The following NDUFAF6 variants were observed in gnomAD, a reference collection of about 807,000 sequenced individuals.
NDUFAF6 encodes the protein NADH dehydrogenase (ubiquinone) complex I, assembly factor 6.
In NDUFAF6, 45 loss-of-function variants were observed where a neutral mutation model predicts 40.8. The ratio of observed to expected loss-of-function variants is 1.10; its 90% confidence interval spans 0.87 to 1.42. The LOEUF is 1.42. Among genes scored for constraint, NDUFAF6 ranks in the 40% most tolerant of loss-of-function variants. The probability of loss-of-function intolerance (pLI) is 0.00; values close to 1 mark genes in which losing one functional copy is unlikely to be tolerated. For missense variants in NDUFAF6, 435 were observed against 418.5 expected (o/e 1.04, Z -0.34); for synonymous variants, 185 against 155.9 (o/e 1.19, Z -1.39).
intron 1 of NDUFAF6, among the ~76,000 whole-genome samples, chr8:95,026,997 G>A (rs955393451): frequency 3.9e-5 from 6 of 152,182 alleles, no homozygotes; most frequent in African/African-American, 1.4e-4. Context: ...TATGAGCCGA[G>A]TTTGCTCCAT....
chr8:94,912,702 A>G (rs1818861969), intron 1 of NDUFAF6, among the ~76,000 whole-genome samples: 1 of 151,914 alleles, frequency 6.6e-6, no homozygotes. Flanking sequence ...AGTCCCAGCT[A>G]CTCGGGAGGC....
upstream of NDUFAF6, among the ~76,000 whole-genome samples, chr8:94,956,880 G>A (rs1823123427): frequency 6.6e-6 from 1 of 152,116 alleles, no homozygotes; most frequent in Admixed American, 6.6e-5. Context: ...TACTATTAAA[G>A]GGAATGGGGG....
At chr8:94,917,079 C>T (rs563398106) in intron 1 of NDUFAF6, among the ~76,000 whole-genome samples, 1 of 144,602 alleles carries the variant, frequency 6.9e-6, no homozygotes, top group African/African-American at 2.6e-5. Flanking sequence ...CCTCTGCACT[C>T]CAGCCTGGGT....
chr8:94,929,542 A>AT (rs1210186142), intron 1 of NDUFAF6: 3 of 152,096 alleles, frequency 2.0e-5, no homozygotes, highest in African/African-American at 7.2e-5. Context: ...ATGACAGAGG[A>AT]TTTTTCACTC....
At chr8:95,073,593 T>G (rs1392368795) in intron 9 of NDUFAF6, among the ~76,000 whole-genome samples, 3 of 152,284 alleles carry the variant, frequency 2.0e-5, no homozygotes, top group Admixed American at 6.5e-5. Context: ...GCAGGGGTCC[T>G]GCGAACCCCA....
chr8:95,041,240 G>A (rs1830113281), intron 3 of NDUFAF6, among the ~76,000 whole-genome samples: 1 of 152,078 alleles, frequency 6.6e-6, no homozygotes, highest in African/African-American at 2.4e-5. Flanking sequence ...AAAAAAGTCA[G>A]GGTATATCAC....
chr8:94,897,651 C>T (rs1817726594), intron 1 of NDUFAF6, among the ~76,000 whole-genome samples: 1 of 149,168 alleles, frequency 6.7e-6, no homozygotes, highest in Admixed American at 6.7e-5. Context: ...TGCTTGGAGG[C>T]ACAGGCTTAA....
chr8:95,015,741 T>C (rs1827415586), intron 2 of NDUFAF6, among the ~76,000 whole-genome samples: 2 of 152,214 alleles, frequency 1.3e-5, no homozygotes, highest in African/African-American at 4.8e-5. Flanking sequence ...GAACATACAA[T>C]ACATACTTTT....
intron 2 of NDUFAF6, among the ~76,000 whole-genome samples, chr8:95,019,471 T>A (rs1941234177): frequency 6.6e-6 from 1 of 152,214 alleles, no homozygotes; most frequent in Non-Finnish European, 1.5e-5. Context: ...ATCTTCCTCT[T>A]CCTACATGTG....
At chr8:94,974,275 G>A (rs528444472) in intron 1 of NDUFAF6, among the ~76,000 whole-genome samples, 7 of 150,800 alleles carry the variant, frequency 4.6e-5, no homozygotes, top group African/African-American at 1.5e-4. Flanking sequence ...CAGTAAAACA[G>A]ACCTGGTAGG....
intron 1 of NDUFAF6, among the ~76,000 whole-genome samples, chr8:94,911,846 A>G: frequency 6.6e-6 from 1 of 152,226 alleles, no homozygotes. Context: ...GAGAGCAGCC[A>G]GAAGTGATAG....
At chr8:94,923,890 AT>A (rs1819675424) in intron 1 of NDUFAF6, among the ~76,000 whole-genome samples, 7 of 148,872 alleles carry the variant, frequency 4.7e-5, no homozygotes. Context: ...GGGTTTCACC[AT>A]GCTGGCCAGG....
chr8:94,922,852 T>C (rs139454192), intron 1 of NDUFAF6, among the ~76,000 whole-genome samples: 2 of 152,260 alleles, frequency 1.3e-5, no homozygotes, highest in Non-Finnish European at 2.9e-5. Context: ...ATGTTAGGGA[T>C]CTTGAGAGTA....
downstream of NDUFAF6, among the ~76,000 whole-genome samples, chr8:95,116,821 A>G (rs1165587360): frequency 6.6e-6 from 1 of 152,228 alleles, no homozygotes; most frequent in Non-Finnish European, 1.5e-5. Context: ...CAATAAAAAG[A>G]ATTCATGGTC....
intron 6 of NDUFAF6, among the ~76,000 whole-genome samples, chr8:95,047,593 T>G (rs1436589453): frequency 7.0e-6 from 1 of 143,286 alleles, no homozygotes; most frequent in Non-Finnish European, 1.5e-5. Flanking sequence ...CACTGCAACC[T>G]CCGCCTCCTG....
At chr8:95,056,707 C>T (rs1373705689) in intron 8 of NDUFAF6, among the ~76,000 whole-genome samples, 2 of 151,954 alleles carry the variant, frequency 1.3e-5, no homozygotes, top group East Asian at 3.9e-4. Context: ...GAGTTCAAGA[C>T]TAGCCTGGCC....
At chr8:95,092,222 C>T (rs1480066659) in intron 2 of NDUFAF6, among the ~76,000 whole-genome samples, 3 of 150,438 alleles carry the variant, frequency 2.0e-5, no homozygotes, top group Admixed American at 1.3e-4. Flanking sequence ...CACTCTGTCA[C>T]CCAGGCTGGA....
At chr8:95,104,169 C>A (rs571886879), downstream of NDUFAF6, among the ~76,000 whole-genome samples, 2 of 152,170 alleles carry the variant, frequency 1.3e-5, no homozygotes, top group Non-Finnish European at 2.9e-5. Context: ...AGCCACTGCA[C>A]CTGTATTTTA....
intron 1 of NDUFAF6, among the ~76,000 whole-genome samples, chr8:94,967,814 G>T (rs1361702264): frequency 2.0e-5 from 3 of 152,040 alleles, no homozygotes; most frequent in Admixed American, 6.6e-5. Context: ...GGTGGCATGT[G>T]CCTGTAATCC....
Sources: gnomAD v4.1 joint callset for allele counts (sites outside exome capture counted in the v4.1 genomes callset) on GRCh38, gnomAD v4.1.1 for gene constraint, MANE v1.5 for transcripts, NCBI Gene and HGNC (gene_info 2026-07-23, HGNC 2026-07-21) for gene names.